The following SUPT6H variants were observed in gnomAD, a reference collection of about 807,000 sequenced individuals.
SUPT6H encodes the protein SPT6 homolog, histone chaperone and transcription elongation factor, also known as transcription elongation factor SPT6.
SUPT6H carries 11 observed loss-of-function variants against 222.3 expected under a neutral mutation model. That is an observed-to-expected ratio of 0.05 (90% CI 0.03 to 0.08). SUPT6H has a LOEUF of 0.08. SUPT6H is among the 10% of genes least tolerant of loss of function. The pLI is 1.00. For missense variants in SUPT6H, 1,422 were observed against 2,216.0 expected (o/e 0.64, Z 7.19); for synonymous variants, 762 against 801.2 (o/e 0.95, Z 0.83).
chr17:28,675,280 T>C, intron 5 of SUPT6H, 118 bp downstream of exon 5: 1 of 1,472,484 alleles, frequency 6.8e-7, no homozygotes, highest in South Asian at 1.2e-5. Context: ...CACAAAGAAG[T>C]TCCTTTTCAG....
intron 24 of SUPT6H, 87 bp from the exon 25 acceptor site, chr17:28,689,266 AT>A: frequency 1.6e-6 from 2 of 1,266,474 alleles, no homozygotes; most frequent in Non-Finnish European, 1.1e-6. Context: ...GCCCTAATTT[AT>A]TTAACCAGTT....
intron 30 of SUPT6H, 50 bp from the exon 31 acceptor site, chr17:28,697,570 G>C: frequency 6.7e-7 from 1 of 1,495,318 alleles, no homozygotes; most frequent in Non-Finnish European, 9.3e-7. Context: ...ATTTGATCAA[G>C]AATCTCAGCT....
intron 1 of SUPT6H, among the ~76,000 whole-genome samples, chr17:28,666,233 C>A (rs950272772): frequency 6.6e-6 from 1 of 152,198 alleles, no homozygotes; most frequent in African/African-American, 2.4e-5. Flanking sequence ...GGATCCCATG[C>A]TATTCTTATC....
intron 2 of SUPT6H, 82 bp from the exon 3 acceptor site, chr17:28,674,201 A>G (rs1361003513): frequency 6.4e-7 from 1 of 1,555,564 alleles, no homozygotes; most frequent in South Asian, 1.2e-5. Context: ...TGCAGAGCAA[A>G]TGGATAATCA....
chr17:28,696,953 C>T lies in SUPT6H; in HGVS notation c.4080C>T (p.Ser1360=), dbSNP rs1228845323. The T allele has an allele frequency of 6.2e-7, 1 of 1,613,872 alleles. No individual in the cohort carries two copies. The highest frequency in any genetic ancestry group is 8.5e-7 in the Non-Finnish European group (1 of 1,180,032). The stretch of plus-strand genomic sequence containing the variant: ...AGGGTGATGTGATTATCCGACCAAG[C>T]AGCAAGGGCGAGAACCACCTGACAG... ...MDQGDVIIRP[S]SKGENHLTVT... is the part of the protein sequence containing the mutation. The change falls in exon 30 of 37, where the codon AGC becomes AGT. Residue 1360 remains serine (S), a synonymous_variant. Coordinates refer to ENST00000314616, the MANE Select transcript of SUPT6H (RefSeq NM_003170.5).
intron 17 of SUPT6H, 122 bp from the exon 18 acceptor site, chr17:28,684,464 C>T (rs2031281334): frequency 1.6e-6 from 2 of 1,212,822 alleles, no homozygotes; most frequent in South Asian, 1.4e-5. Context: ...CTAGGAACAT[C>T]TGCACATAAG....
intron 11 of SUPT6H, among the ~76,000 whole-genome samples, chr17:28,679,361 A>T (rs2030950820): frequency 1.3e-5 from 2 of 152,104 alleles, no homozygotes; most frequent in South Asian, 4.2e-4. Context: ...CAACAGAGCG[A>T]GACTTCGTCT....
At position 28,673,394 on chromosome 17, in the gene SUPT6H, C is replaced by G. The variant is rs371900580; in HGVS notation, c.-8C>G. ...AGTTATCTTCAGGCAGAGTGAGAAGCTGCAGCAATGTCTGATTTTGTGGAA... is the reference window on the plus strand; with the variant it reads ...AGTTATCTTCAGGCAGAGTGAGAAGGTGCAGCAATGTCTGATTTTGTGGAA... On this transcript the variant is annotated 5_prime_UTR_variant, in exon 2 of 37. Transcript: ENST00000314616. 86 of 1,607,664 alleles carry G rather than the reference C, an allele frequency of 5.3e-5. No individual in the cohort carries two copies. The highest frequency in any genetic ancestry group is 7.2e-5 in the Non-Finnish European group (84 of 1,174,408).
intron 1 of SUPT6H, among the ~76,000 whole-genome samples, chr17:28,663,791 C>T (rs1435797500): frequency 7.3e-6 from 1 of 136,456 alleles, no homozygotes; most frequent in African/African-American, 2.7e-5. Flanking sequence ...ATTCACTCTT[C>T]ATTTTATACC....
Position 28,696,983 on chromosome 17 carries a change from C to G in SUPT6H, c.4110C>G (p.Thr1370=), listed in dbSNP as rs868423630. ...SSKGENHLTV[T]WKVSDGIYQH... is the part of the protein sequence containing the mutation. ...AGGGCGAGAACCACCTGACAGTGAC[C>G]TGGAAAGTCAGTGATGGCATCTACC... is the stretch of plus-strand genomic sequence containing the variant. Residue 1370 remains threonine, a synonymous_variant, in exon 30 of 37, where the codon ACC becomes ACG. Coordinates refer to ENST00000314616, the MANE Select transcript of SUPT6H (RefSeq NM_003170.5). 1 of 1,614,046 alleles carries G rather than the reference C, an allele frequency of 6.2e-7. No individual in the cohort carries two copies. The highest frequency in any genetic ancestry group is 1.6e-4 in the Middle Eastern group (1 of 6,062).
At chr17:28,686,300 T>A (rs2031376093) in intron 19 of SUPT6H, 39 bp from the exon 20 acceptor site, 1 of 1,576,566 alleles carries the variant, frequency 6.3e-7, no homozygotes, top group South Asian at 1.1e-5. Flanking sequence ...AATCTTTACA[T>A]CCTCAGAGCC....
intron 35 of SUPT6H, 110 bp downstream of exon 35, chr17:28,700,622 G>A: frequency 7.2e-7 from 1 of 1,390,888 alleles, no homozygotes; most frequent in Non-Finnish European, 9.8e-7. Flanking sequence ...CACGGCCTTG[G>A]TAACTGTCTC....
At chr17:28,700,626 C>CT (rs2032093868) in intron 35 of SUPT6H, 114 bp downstream of exon 35, 2 of 1,350,256 alleles carry the variant, frequency 1.5e-6, no homozygotes, top group South Asian at 2.7e-5. Flanking sequence ...GCCTTGGTAA[C>CT]TGTCTCCAAC....
chr17:28,695,478 T>C lies in SUPT6H; in HGVS notation c.3901T>C (p.Tyr1301His), dbSNP rs2031860830. ...GTGGAAGCTGCCCAAAGACACCTAC[T>C]ATGACTTTGATGCTGAAGCTGCAGA... is the stretch of plus-strand genomic sequence containing the variant. ...NEWKLPKDTY[Y>H]DFDAEAADHK... is the part of the protein sequence containing the mutation. The change falls in exon 29 of 37, where the codon TAT becomes CAT. Residue 1301 changes from tyrosine to histidine, a missense_variant. Physicochemically the swap from Tyr to His is moderately conservative, Grantham distance 83. Around this residue, in one of 13 missense-constraint regions of SUPT6H, gnomAD observed 395 missense variants for 580.6 expected, o/e 0.68. Coordinates refer to ENST00000314616, the MANE Select transcript of SUPT6H (RefSeq NM_003170.5). The C allele has an allele frequency of 6.2e-7, 1 of 1,614,028 alleles. No homozygotes were observed. The highest frequency in any genetic ancestry group is 1.7e-5 in the Admixed American group (1 of 59,992).
At chr17:28,683,199 G>T in intron 15 of SUPT6H, 69 bp from the exon 16 acceptor site, 1 of 1,581,888 alleles carries the variant, frequency 6.3e-7, no homozygotes, top group Non-Finnish European at 8.6e-7. Flanking sequence ...AAAGCAGAAA[G>T]GCTGTCTTTT....
At chr17:28,680,642 G>T (rs570942826) in intron 11 of SUPT6H, among the ~76,000 whole-genome samples, 100 of 152,124 alleles carry the variant, frequency 6.6e-4, no homozygotes, top group Non-Finnish European at 1.2e-3. Flanking sequence ...CATGTGTCTT[G>T]GTTTTGTTTT....
intron 13 of SUPT6H, 124 bp from the exon 14 acceptor site, chr17:28,682,603 A>G (rs569995224): frequency 2.4e-4 from 329 of 1,383,544 alleles, no homozygotes; most frequent in Non-Finnish European, 3.0e-4. Flanking sequence ...CCTGGGCAAC[A>G]GAGCGAGACC....
chr17:28,695,295 A>C, intron 28 of SUPT6H, 57 bp from the exon 29 acceptor site: 1 of 1,543,774 alleles, frequency 6.5e-7, no homozygotes, highest in Admixed American at 1.9e-5. Context: ...TGGGTGAAAT[A>C]GGGCATCGGG....
chr17:28,679,506 G>A (rs2030963420), intron 11 of SUPT6H, among the ~76,000 whole-genome samples: 1 of 152,116 alleles, frequency 6.6e-6, no homozygotes, highest in South Asian at 2.1e-4. Flanking sequence ...CTATGATTAT[G>A]CCACTATACT....
Sources: allele counts gnomAD v4.1 joint callset (sites outside exome capture counted in the v4.1 genomes callset), GRCh38; gene constraint gnomAD v4.1.1; regional missense constraint gnomAD v4.1.1; transcripts MANE v1.5; gene names NCBI Gene and HGNC (gene_info 2026-07-23, HGNC 2026-07-21).